Variants in SPTA1 observed in about 807,000 individuals in gnomAD.
The protein encoded by SPTA1 is spectrin alpha chain, erythrocytic 1.
In SPTA1, 177 loss-of-function variants were observed where a neutral mutation model predicts 324.7. The ratio of observed to expected loss-of-function variants is 0.55; its 90% CI spans 0.48 to 0.62. The LOEUF (loss-of-function observed/expected upper bound fraction) is 0.62, where lower values mean the gene tolerates loss of function less well. Among genes scored for constraint, SPTA1 ranks in the 20% least tolerant of loss-of-function variants. The probability of loss-of-function intolerance (pLI) is 0.00; values close to 1 mark genes in which losing one functional copy is unlikely to be tolerated. For synonymous variants in SPTA1, 1,195 were observed against 1,041.3 expected, an observed-to-expected ratio of 1.15 and a Z score of -2.84; for missense variants, 3,162 against 2,883.6, an observed-to-expected ratio of 1.10 and a Z score of -2.21.
At chr1:158,656,973 T>G (rs1337929466) in intron 19 of SPTA1, among the ~76,000 whole-genome samples, 1 of 152,222 alleles carries the variant, frequency 6.6e-6, no homozygotes, top group Non-Finnish European at 1.5e-5. Flanking sequence ...ACTTAAAATA[T>G]GCATACCAAT....
At chr1:158,658,621 T>G (rs1652992891) in intron 18 of SPTA1, among the ~76,000 whole-genome samples, 1 of 151,964 alleles carries the variant, frequency 6.6e-6, no homozygotes, top group African/African-American at 2.4e-5. Flanking sequence ...AGGAGTACCA[T>G]AACAAAACAG....
intron 47 of SPTA1, among the ~76,000 whole-genome samples, chr1:158,615,695 A>G (rs1649512861): frequency 7.5e-6 from 1 of 132,736 alleles, no homozygotes; most frequent in African/African-American, 2.7e-5. Context: ...CTTTCTATCT[A>G]TCATCTATCT....
chr1:158,646,508 A>C (rs1363320646), intron 27 of SPTA1, among the ~76,000 whole-genome samples: 1 of 152,170 alleles, frequency 6.6e-6, no homozygotes, highest in Non-Finnish European at 1.5e-5. Context: ...ACAAACAAAA[A>C]ACAGAGCATA....
intron 29 of SPTA1, among the ~76,000 whole-genome samples, chr1:158,644,833 T>A (rs551647892): frequency 3.1e-4 from 47 of 152,350 alleles, no homozygotes; most frequent in African/African-American, 1.0e-3. Context: ...CTAATTTCAC[T>A]ATTTAAGAAA....
chr1:158,632,670 G>A (rs1650766995), intron 39 of SPTA1, among the ~76,000 whole-genome samples: 1 of 151,860 alleles, frequency 6.6e-6, no homozygotes, highest in South Asian at 2.1e-4. Context: ...ATGCTAGCAG[G>A]GATATAGGGA....
chr1:158,668,008 A>G lies in SPTA1; in HGVS notation c.1888T>C (p.Leu630=), dbSNP rs777333548. 1 of 1,611,820 alleles carries G rather than the reference A, an allele frequency of 6.2e-7. No homozygotes were observed. Among genetic ancestry groups the G allele is most frequent in the East Asian group, 2.2e-5 (1 of 44,796 alleles). The change falls in exon 15 of 52, where the codon TTG becomes CTG. Residue 630 remains leucine, a synonymous_variant. Coordinates refer to ENST00000643759, the MANE Select transcript of SPTA1 (RefSeq NM_003126.4). ...TCCAGCTGGGTCTTATTAACTGCCA[A>G]CTCCTTTTCAAAGACTTGCTGCTTT... ...VQKQQVFEKE[L]AVNKTQLENI...
chr1:158,666,241 T>C (rs1653589423), intron 16 of SPTA1, 75 bp downstream of exon 16: 2 of 1,481,918 alleles, frequency 1.3e-6, no homozygotes, highest in South Asian at 1.2e-5. Context: ...TAATAATTAC[T>C]TATTACTTAA....
intron 19 of SPTA1, 60 bp downstream of exon 19, chr1:158,657,417 A>T: frequency 6.5e-7 from 1 of 1,532,440 alleles, no homozygotes; most frequent in Admixed American, 1.7e-5. Flanking sequence ...GCAAACCCTA[A>T]ATTGATAATT....
At chr1:158,614,764 A>C (rs934316039) in intron 48 of SPTA1, 2 of 188,158 alleles carry the variant, frequency 1.1e-5, no homozygotes, top group Admixed American at 1.1e-4. Context: ...TCTAGATAAA[A>C]ATGTTGCCAA....
At chr1:158,637,681 T>A (rs1440095875) in intron 36 of SPTA1, among the ~76,000 whole-genome samples, 1 of 152,238 alleles carries the variant, frequency 6.6e-6, no homozygotes, top group African/African-American at 2.4e-5. Flanking sequence ...TAAGATATAC[T>A]GGATATAGAA....
chr1:158,626,724 T>G (rs796657058), intron 41 of SPTA1, 115 bp downstream of exon 41: 1 of 1,292,790 alleles, frequency 7.7e-7, no homozygotes. Flanking sequence ...TAGGAATGGG[T>G]AGTGATGGAA....
chr1:158,636,594 G>T, intron 37 of SPTA1, 47 bp downstream of exon 37: 2 of 1,602,730 alleles, frequency 1.2e-6, no homozygotes, highest in East Asian at 2.2e-5. Flanking sequence ...ACAAGGGGTT[G>T]CTATAGGATG....
chr1:158,622,766 C>T, intron 43 of SPTA1: 1 of 513,308 alleles, frequency 1.9e-6, no homozygotes, highest in Non-Finnish European at 3.5e-6. Context: ...TGGCTTCCAT[C>T]TCAAGTTAGT....
At chr1:158,683,618 G>A in intron 2 of SPTA1, 122 bp from the exon 3 acceptor site, 2 of 1,270,984 alleles carry the variant, frequency 1.6e-6, no homozygotes, top group Admixed American at 3.8e-5. Context: ...GCCATAAAGA[G>A]TATTTTCCTG....
chr1:158,615,395 C>A lies in SPTA1; in HGVS notation c.6609G>T (p.Gln2203His), dbSNP rs79592002. The change falls in exon 48 of 52, where the codon CAG (glutamine) becomes CAT (histidine). Residue 2203 changes from glutamine (Q) to histidine (H), a missense_variant. Coordinates refer to ENST00000643759, the MANE Select transcript of SPTA1 (RefSeq NM_003126.4). ...ESQLEANKRK[Q>H]KEIQAMKRQL... Reference sequence around the variant, plus strand: ...GACGCTTCATCGCCTGGATCTCCTTCTGTTTTCTCTGGAAAAACGACAGAG... The same window carrying A: ...GACGCTTCATCGCCTGGATCTCCTTATGTTTTCTCTGGAAAAACGACAGAG... 4.2e-5 allele frequency: 67 copies of A among 1,614,044 alleles called. No homozygotes were observed. The highest frequency in any genetic ancestry group is 4.8e-5 in the Non-Finnish European group (57 of 1,179,992).
At chr1:158,647,932 A>T (rs1400160990) in intron 26 of SPTA1, among the ~76,000 whole-genome samples, 4 of 152,198 alleles carry the variant, frequency 2.6e-5, no homozygotes, top group Non-Finnish European at 5.9e-5. Flanking sequence ...TTTTAAAAAT[A>T]AGAGAGTTGT....
chr1:158,657,451 C>T, intron 19 of SPTA1, 26 bp downstream of exon 19: 2 of 1,596,380 alleles, frequency 1.3e-6, no homozygotes, highest in Non-Finnish European at 8.6e-7. Flanking sequence ...TGAGGATTCA[C>T]AATGTTAAAC....
chr1:158,646,712 C>G (rs1428884906), intron 27 of SPTA1, among the ~76,000 whole-genome samples: 2 of 152,054 alleles, frequency 1.3e-5, no homozygotes, highest in African/African-American at 2.4e-5. Context: ...TATAGCTTTC[C>G]AGTGCTGAAC....
intron 16 of SPTA1, among the ~76,000 whole-genome samples, chr1:158,664,679 A>T (rs1653472043): frequency 6.6e-6 from 1 of 152,232 alleles, no homozygotes; most frequent in African/African-American, 2.4e-5. Flanking sequence ...ATTAAAACCA[A>T]AAATCAGATA....
Sources: allele counts gnomAD v4.1 joint callset (sites outside exome capture counted in the v4.1 genomes callset), GRCh38; gene constraint gnomAD v4.1.1; transcripts MANE v1.5; gene names NCBI Gene and HGNC (gene_info 2026-07-23, HGNC 2026-07-21).